The following RBFOX1 variants were observed in gnomAD, a reference collection of about 807,000 sequenced individuals.
The protein encoded by RBFOX1 is RNA binding fox-1 homolog 1.
A neutral mutation model predicts 57.7 loss-of-function variants in RBFOX1; 8 were observed. That is an observed-to-expected ratio of 0.14 (90% CI 0.08 to 0.25). RBFOX1 has a LOEUF of 0.25. Among genes scored for constraint, RBFOX1 ranks in the 10% least tolerant of loss-of-function variants. The pLI is 1.00. For missense variants in RBFOX1, 611 were observed against 548.5 expected, an observed-to-expected ratio of 1.11 and a Z score of -1.14; for synonymous variants, 326 against 222.4, an observed-to-expected ratio of 1.47 and a Z score of -4.15.
intron 1 of RBFOX1, among the ~76,000 whole-genome samples, chr16:5,409,945 A>T (rs1025212025): frequency 1.3e-5 from 2 of 151,532 alleles, no homozygotes; most frequent in African/African-American, 2.4e-5. Flanking sequence ...CTACTTGGGA[A>T]GGTGAGGTAG....
intron 2 of RBFOX1, among the ~76,000 whole-genome samples, chr16:6,430,159 T>C (rs992082013): frequency 6.6e-6 from 1 of 151,862 alleles, no homozygotes; most frequent in Non-Finnish European, 1.5e-5. Flanking sequence ...CTTTCCTTTA[T>C]AATAATTACC....
chr16:5,540,630 T>C (rs1597451932), intron 2 of RBFOX1, among the ~76,000 whole-genome samples: 1 of 152,186 alleles, frequency 6.6e-6, no homozygotes, highest in Non-Finnish European at 1.5e-5. Context: ...CTGACGCGTT[T>C]GTTAAAAATC....
chr16:5,489,860 C>G (rs368372259), intron 2 of RBFOX1, among the ~76,000 whole-genome samples: 7 of 152,198 alleles, frequency 4.6e-5, no homozygotes, highest in Admixed American at 4.6e-4. Context: ...TGTCTTTTTC[C>G]CTCCACCAGA....
At position 7,103,214 on chromosome 16, in the gene RBFOX1, C is replaced by A. The variant is rs543502297; in HGVS notation, c.27+51116C>A. 2.0e-5 allele frequency among the ~76,000 whole-genome samples: 3 copies of A among 152,256 alleles called. No individual in the cohort carries two copies. The East Asian group carries it at 5.8e-4, about 29-fold the overall frequency. On this transcript the variant is annotated intron_variant, in intron 4 of 15. Coordinates refer to ENST00000550418, the MANE Select transcript of RBFOX1 (RefSeq NM_018723.4). Reference sequence around the variant, plus strand: ...TGATTTTTAAAGAGGGGATAAAAAACCAATGACCTCATTCTTTTGCATTTG... The same window carrying A: ...TGATTTTTAAAGAGGGGATAAAAAAACAATGACCTCATTCTTTTGCATTTG...
At chr16:7,310,533 G>A (rs2096284120) in intron 4 of RBFOX1, among the ~76,000 whole-genome samples, 1 of 151,978 alleles carries the variant, frequency 6.6e-6, no homozygotes, top group Non-Finnish European at 1.5e-5. Flanking sequence ...TTCATCAAGG[G>A]GCATACTTAT....
intron 4 of RBFOX1, among the ~76,000 whole-genome samples, chr16:7,064,344 T>G (rs1024061317): frequency 2.0e-5 from 3 of 151,948 alleles, no homozygotes; most frequent in Non-Finnish European, 4.4e-5. Context: ...AATTTTTGTA[T>G]TTTTAGTAGA....
intron 2 of RBFOX1, among the ~76,000 whole-genome samples, chr16:6,468,103 C>T (rs1159529011): frequency 6.6e-6 from 1 of 152,082 alleles, no homozygotes; most frequent in Non-Finnish European, 1.5e-5. Context: ...TTTCTCTGCA[C>T]AGAAATACTT....
rs1283962007 is a variant in RBFOX1 at position 7,696,366 on chromosome 16, A to G, written c.996-12690A>G. 3.9e-5 allele frequency among the ~76,000 whole-genome samples: 6 copies of G among 152,132 alleles called. No homozygotes were observed. In the South Asian group the frequency reaches 6.2e-4, roughly 16 times the overall value. The stretch of plus-strand genomic sequence containing the variant: ...ACATCAAGAACCTTTGATGAGTTGG[A>G]TTCTTCAATAGATGGTGAAAAGGGA... On this transcript the variant is annotated intron_variant, in intron 14 of 15. Transcript: ENST00000550418.
At chr16:5,833,223 G>A (rs2056341090) in intron 3 of RBFOX1, among the ~76,000 whole-genome samples, 1 of 152,168 alleles carries the variant, frequency 6.6e-6, no homozygotes, top group South Asian at 2.1e-4. Context: ...GCCAGGCGTG[G>A]TGGCTCACGC....
intron 14 of RBFOX1, among the ~76,000 whole-genome samples, chr16:7,695,252 C>A (rs554877641): frequency 6.6e-6 from 1 of 152,148 alleles, no homozygotes; most frequent in Non-Finnish European, 1.5e-5. Context: ...AAAGGAGACA[C>A]CCATATCCAT....
chr16:7,060,905 G>T (rs1238948893), intron 4 of RBFOX1, among the ~76,000 whole-genome samples: 1 of 152,196 alleles, frequency 6.6e-6, no homozygotes, highest in Non-Finnish European at 1.5e-5. Context: ...GCTAAAGCCA[G>T]ACTTCAGTGA....
chr16:5,813,315 C>G (rs1227587109), intron 3 of RBFOX1, among the ~76,000 whole-genome samples: 2 of 152,160 alleles, frequency 1.3e-5, no homozygotes, highest in Non-Finnish European at 2.9e-5. Context: ...TAAATGCACC[C>G]ACAACATTGT....
intron 2 of RBFOX1, among the ~76,000 whole-genome samples, chr16:6,470,726 C>T (rs2095155072): frequency 6.6e-6 from 1 of 152,202 alleles, no homozygotes; most frequent in South Asian, 2.1e-4. Flanking sequence ...ACCATTTAGT[C>T]AATAACTTGT....
At chr16:6,977,210 A>G (rs1275888053) in intron 3 of RBFOX1, among the ~76,000 whole-genome samples, 1 of 118,444 alleles carries the variant, frequency 8.4e-6, no homozygotes, top group Non-Finnish European at 1.7e-5. Context: ...GTTTTATCAT[A>G]TATATTATCA....
intron 1 of RBFOX1, among the ~76,000 whole-genome samples, chr16:6,101,882 T>G (rs974409735): frequency 1.3e-5 from 2 of 152,140 alleles, no homozygotes. Flanking sequence ...TGGGGCCAGA[T>G]TGTCCGTTCC....
Position 6,580,483 on chromosome 16 carries a change from T to C in RBFOX1, c.-63-74120T>C, listed in dbSNP as rs535556941. Among the ~76,000 whole-genome samples the C allele has an allele frequency of 2.0e-5, 3 of 152,276 alleles. No homozygotes were observed. In the East Asian group the frequency reaches 5.8e-4, roughly 29 times the overall value. On this transcript the variant is annotated intron_variant, in intron 2 of 15. Transcript: ENST00000550418. ...CCACAATAATAAACAGCAGGCAAGATTAAAAACTCCGTAAGACATAATCCC... is the reference window on the plus strand; with the variant it reads ...CCACAATAATAAACAGCAGGCAAGACTAAAAACTCCGTAAGACATAATCCC...
At chr16:7,245,159 G>C (rs999297807) in intron 4 of RBFOX1, among the ~76,000 whole-genome samples, 1 of 151,902 alleles carries the variant, frequency 6.6e-6, no homozygotes. Flanking sequence ...ATAGAACAGT[G>C]GTCTTACATG....
intron 4 of RBFOX1, among the ~76,000 whole-genome samples, chr16:7,093,442 C>G (rs144572829): frequency 2.0e-5 from 3 of 152,292 alleles, no homozygotes; most frequent in African/African-American, 4.8e-5. Flanking sequence ...GACATAGTCA[C>G]ATCTTTAATG....
At chr16:7,535,256 C>T (rs1416625554) in intron 5 of RBFOX1, among the ~76,000 whole-genome samples, 2 of 152,158 alleles carry the variant, frequency 1.3e-5, no homozygotes, top group Non-Finnish European at 2.9e-5. Flanking sequence ...TTTCCCTGGG[C>T]CAGCTCAGGG....
Sources: gnomAD v4.1 joint callset for allele counts (sites outside exome capture counted in the v4.1 genomes callset) on GRCh38, gnomAD v4.1.1 for gene constraint, MANE v1.5 for transcripts, NCBI Gene and HGNC (gene_info 2026-07-23, HGNC 2026-07-21) for gene names.